KCNMA1: variants seen among roughly 807,000 people sequenced by gnomAD.
The protein encoded by KCNMA1 is Calcium-activated potassium channel subunit alpha-1.
Under a neutral mutation model 140.0 loss-of-function variants are expected in KCNMA1, and 29 were observed. That is an observed-to-expected ratio of 0.21 (90% CI 0.15 to 0.28). The LOEUF is 0.28. Among genes scored for constraint, KCNMA1 ranks in the 10% least tolerant of loss-of-function variants. The probability of loss-of-function intolerance (pLI) is 1.00; values close to 1 mark genes in which losing one functional copy is unlikely to be tolerated. For synonymous variants in KCNMA1, 612 were observed against 611.9 expected (o/e 1.00, Z 0.00); for missense variants, 880 against 1,602.2 (o/e 0.55, Z 7.70).
chr10:77,364,467 A>G (rs2094208560), intron 2 of KCNMA1, among the ~76,000 whole-genome samples: 1 of 152,080 alleles, frequency 6.6e-6, no homozygotes, highest in South Asian at 2.1e-4. Context: ...AAGAAAGAAA[A>G]AAGAAAAGAA....
At chr10:77,000,096 T>G (rs905550716) in intron 19 of KCNMA1, among the ~76,000 whole-genome samples, 1 of 152,140 alleles carries the variant, frequency 6.6e-6, no homozygotes, top group Non-Finnish European at 1.5e-5. Context: ...CTCAGTGATC[T>G]TCTTCCTCCT....
At chr10:76,903,630 G>C (rs1200854158) in intron 25 of KCNMA1, 1 of 152,228 alleles carries the variant, frequency 6.6e-6, no homozygotes, top group Non-Finnish European at 1.5e-5. Flanking sequence ...TTGAAATGGA[G>C]GCTCTTGAGT....
chr10:77,022,193 G>GTC (rs1173421938), intron 16 of KCNMA1, among the ~76,000 whole-genome samples: 4 of 151,964 alleles, frequency 2.6e-5, no homozygotes, highest in Non-Finnish European at 5.9e-5. Context: ...ACTGCCAAAA[G>GTC]TCTCTCTCTC....
At chr10:77,000,923 T>A (rs1273101030) in intron 19 of KCNMA1, among the ~76,000 whole-genome samples, 1 of 139,394 alleles carries the variant, frequency 7.2e-6, no homozygotes, top group Non-Finnish European at 1.5e-5. Context: ...AAAACTCTGT[T>A]GTATTTTGGA....
intron 25 of KCNMA1, among the ~76,000 whole-genome samples, chr10:76,906,430 G>A (rs991761803): frequency 3.3e-5 from 5 of 152,190 alleles, no homozygotes; most frequent in Non-Finnish European, 7.3e-5. Flanking sequence ...AAGCCACAGG[G>A]CCATGTCTGT....
chr10:77,080,207 C>T (rs564102588), intron 12 of KCNMA1, among the ~76,000 whole-genome samples: 1 of 152,280 alleles, frequency 6.6e-6, no homozygotes, highest in South Asian at 2.1e-4. Flanking sequence ...AAGTTACTAC[C>T]CCTTCCCTAG....
At chr10:77,277,153 A>G (rs546652951) in intron 2 of KCNMA1, among the ~76,000 whole-genome samples, 1 of 151,964 alleles carries the variant, frequency 6.6e-6, no homozygotes, top group South Asian at 2.1e-4. Flanking sequence ...TGGTTGGGGG[A>G]AGCTCTCCCT....
In KCNMA1 at chr10:77,176,587, G is replaced by A. The variant is rs576478494; in HGVS notation, c.808+6834C>T. 1.4e-4 allele frequency among the ~76,000 whole-genome samples: 21 copies of A among 152,266 alleles called. No homozygotes were observed. The South Asian group carries it at 4.1e-3, about 30-fold the overall frequency. On this transcript the variant is annotated intron_variant, in intron 5 of 27. Coordinates refer to ENST00000286628, the MANE Select transcript of KCNMA1 (RefSeq NM_001161352.2). Reference sequence around the variant, plus strand: ...ATGAAGCATGGCCCCAAAGGGCCGTGAATGACCCCTGGAGCAAAGGACTCC... The same window carrying A: ...ATGAAGCATGGCCCCAAAGGGCCGTAAATGACCCCTGGAGCAAAGGACTCC...
rs567136954 is a variant in KCNMA1, at chr10:77,481,076, C to G, written c.379-77053G>C. Among the ~76,000 whole-genome samples the G allele has an allele frequency of 2.6e-5, 4 of 151,220 alleles. No individual in the cohort carries two copies. In the East Asian group the frequency reaches 7.8e-4, roughly 30 times the overall value. On this transcript the variant is annotated intron_variant, in intron 1 of 27. Transcript: ENST00000286628. ...GAGGTTCCAGTGAGCTGAGATCATG[C>G]CACTGCACTCCAGCCTGGGCAACAG...
chr10:77,160,973 G>A (rs1403763381), intron 5 of KCNMA1, among the ~76,000 whole-genome samples: 1 of 152,144 alleles, frequency 6.6e-6, no homozygotes, highest in East Asian at 1.9e-4. Flanking sequence ...CTGACACCAT[G>A]CTCTTGACTT....
At chr10:77,215,150 C>T (rs1469090431) in intron 3 of KCNMA1, among the ~76,000 whole-genome samples, 1 of 152,134 alleles carries the variant, frequency 6.6e-6, no homozygotes, top group Non-Finnish European at 1.5e-5. Context: ...GTAAATGCTA[C>T]CACCAGCGAC....
In KCNMA1 at chr10:76,886,471, A is replaced by T. The variant is rs1346394011; in HGVS notation, c.*795T>A. ...GCTATTCATATGGCAACATAAGGAGACAGAATAACAATTTAATATGCAATC... is the reference window on the plus strand; with the variant it reads ...GCTATTCATATGGCAACATAAGGAGTCAGAATAACAATTTAATATGCAATC... On this transcript the variant is annotated 3_prime_UTR_variant, in exon 28 of 28. Transcript: ENST00000286628. 3.0e-6 allele frequency: 3 copies of T among 984,902 alleles called. No individual in the cohort carries two copies. The highest frequency in any genetic ancestry group is 3.6e-6 in the Non-Finnish European group (3 of 829,550). 61.0% of individuals were successfully genotyped at this position (984,902 alleles called of 1,614,324 possible).
chr10:77,225,574 G>A (rs185116108), intron 3 of KCNMA1, among the ~76,000 whole-genome samples: 33 of 152,292 alleles, frequency 2.2e-4, no homozygotes, highest in African/African-American at 7.2e-4. Context: ...CCTGCGGAGT[G>A]CAGTGTAAAT....
At chr10:77,048,304 C>G (rs2095199444) in intron 14 of KCNMA1, among the ~76,000 whole-genome samples, 4 of 152,168 alleles carry the variant, frequency 2.6e-5, no homozygotes. Flanking sequence ...AAACAGCTCA[C>G]AGTCCCCATC....
chr10:76,992,214 A>T (rs1592989096), intron 19 of KCNMA1, among the ~76,000 whole-genome samples: 4 of 152,204 alleles, frequency 2.6e-5, no homozygotes, highest in Admixed American at 2.6e-4. Context: ...TGACCAAATG[A>T]GATGGTCTGA....
At chr10:77,561,663 G>A (rs892269194) in intron 1 of KCNMA1, among the ~76,000 whole-genome samples, 10 of 152,144 alleles carry the variant, frequency 6.6e-5, no homozygotes, top group African/African-American at 2.4e-4. Context: ...AATGGGTAAG[G>A]CAGGTCCATG....
intron 1 of KCNMA1, among the ~76,000 whole-genome samples, chr10:77,534,462 A>G (rs1041388282): frequency 6.6e-6 from 1 of 152,326 alleles, no homozygotes; most frequent in Admixed American, 6.5e-5. Context: ...CTGGTGTCCT[A>G]GGAAGAAACT....
rs2037464894 is a variant in KCNMA1 at position 76,887,196 on chromosome 10, T to A, written c.*70A>T. The A allele has an allele frequency of 1.2e-6, 2 of 1,613,250 alleles. No homozygotes were observed. Among genetic ancestry groups the A allele is most frequent in the Admixed American group, 3.3e-5 (2 of 60,002 alleles). On this transcript the variant is annotated 3_prime_UTR_variant, in exon 28 of 28. Transcript: ENST00000286628. ...TACAGGGGAAAACAGGGAAAGTTAC[T>A]TTGTTGGAAACACCAACTGGGGAAA...
rs148741886 is a variant in KCNMA1 at position 77,506,474 on chromosome 10, G to A, written c.379-102451C>T. 3.5e-3 allele frequency among the ~76,000 whole-genome samples: 526 copies of A among 152,040 alleles called. 4 individuals carry two copies. Among genetic ancestry groups the A allele is most frequent in the African/African-American group, 0.012 (477 of 41,430 alleles). ...GTTGATGTTTTTAAATACCAAATCT[G>A]TATGCATCTATCAGAGAGACAGAGA... On this transcript the variant is annotated intron_variant, in intron 1 of 27. Transcript: ENST00000286628.
Sources: gnomAD v4.1 joint callset for allele counts (sites outside exome capture counted in the v4.1 genomes callset) on GRCh38, gnomAD v4.1.1 for gene constraint, MANE v1.5 for transcripts, NCBI Gene and HGNC (gene_info 2026-07-23, HGNC 2026-07-21) for gene names.